Variants in RALYL observed in about 807,000 individuals in gnomAD.
RALYL encodes RALY RNA binding protein like.
A neutral mutation model predicts 35.1 loss-of-function variants in RALYL; 29 were observed. That is an observed-to-expected ratio of 0.83 (90% confidence interval 0.61 to 1.13). The LOEUF is 1.13. Among genes scored for constraint, RALYL ranks in the 50% most tolerant of loss-of-function variants. RALYL has a pLI of 0.00. For synonymous variants in RALYL, 120 were observed against 127.6 expected, an observed-to-expected ratio of 0.94 and a Z score of 0.40; for missense variants, 359 against 360.4, an observed-to-expected ratio of 1.00 and a Z score of 0.03.
Position 84,366,763 on chromosome 8 carries a change from CAAAAAAAA to C in RALYL, c.-23-162515_-23-162508del, listed in dbSNP as rs1166208925. Among the ~76,000 whole-genome samples the C allele has an allele frequency of 1.1e-4, 6 of 56,658 alleles. No individual in the cohort carries two copies. In the East Asian group the frequency reaches 4.5e-3, roughly 42 times the overall value. The allele number at this position is 56,658 out of a possible 152,430, so 37.2% of individuals were successfully genotyped here. ...TGGAGGCAGAGTGAGATTTTTGTCTCAAAAAAAAAAAAAAAAAAAAAAAAAAAAGGGTA... is the reference window on the plus strand; with the variant it reads ...TGGAGGCAGAGTGAGATTTTTGTCTCAAAAAAAAAAAAAAAAAAAAGGGTA... On this transcript the variant is annotated intron_variant, in intron 1 of 8. Transcript: ENST00000521268.
chr8:84,263,055 T>G (rs963893152), intron 1 of RALYL, among the ~76,000 whole-genome samples: 2 of 152,176 alleles, frequency 1.3e-5, no homozygotes, highest in African/African-American at 2.4e-5. Flanking sequence ...TATACTATCC[T>G]GACTTCTCCA....
At chr8:84,704,446 GAC>G (rs3068023) in intron 2 of RALYL, among the ~76,000 whole-genome samples, 3,637 of 103,654 alleles carry the variant, frequency 0.035, 40 homozygotes, top group Middle Eastern at 0.07. Flanking sequence ...AATACACACA[GAC>G]ACACACACAC....
chr8:84,779,205 C>A (rs1292644066), intron 3 of RALYL, among the ~76,000 whole-genome samples: 1 of 152,158 alleles, frequency 6.6e-6, no homozygotes, highest in African/African-American at 2.4e-5. Flanking sequence ...AATAATAATT[C>A]TCCCCCAGGA....
chr8:84,777,877 G>A (rs187416579), intron 3 of RALYL, among the ~76,000 whole-genome samples: 154 of 152,228 alleles, frequency 1.0e-3, no homozygotes, highest in African/African-American at 3.5e-3. Flanking sequence ...TCCTGACCTC[G>A]TGATCCGCCC....
At chr8:84,266,142 C>T (rs1833248921) in intron 1 of RALYL, among the ~76,000 whole-genome samples, 2 of 152,258 alleles carry the variant, frequency 1.3e-5, no homozygotes, top group Non-Finnish European at 1.5e-5. Context: ...TATATTTCTA[C>T]AGAAATCATC....
chr8:84,391,796 G>A (rs1860757584), intron 1 of RALYL, among the ~76,000 whole-genome samples: 5 of 151,986 alleles, frequency 3.3e-5, no homozygotes, highest in Admixed American at 3.3e-4. Context: ...AGTAAATATT[G>A]GTTAAATGAG....
intron 1 of RALYL, among the ~76,000 whole-genome samples, chr8:84,492,211 T>C (rs1488849772): frequency 1.3e-5 from 2 of 152,052 alleles, no homozygotes; most frequent in Non-Finnish European, 2.9e-5. Flanking sequence ...AAACCTGTCA[T>C]GGTTAATTTT....
chr8:84,461,726 G>C (rs951863744), intron 1 of RALYL, among the ~76,000 whole-genome samples: 4 of 151,728 alleles, frequency 2.6e-5, no homozygotes, highest in African/African-American at 9.7e-5. Context: ...TGTATTTACT[G>C]TAATTGGGAT....
intron 2 of RALYL, among the ~76,000 whole-genome samples, chr8:84,596,427 A>G (rs1174584083): frequency 6.6e-6 from 1 of 152,174 alleles, no homozygotes. Context: ...CTCAGGAAAT[A>G]CTGGACAGGA....
Position 84,495,992 on chromosome 8 carries a change from A to G in RALYL, c.-23-33307A>G, listed in dbSNP as rs141658332. Among the ~76,000 whole-genome samples, 8 of 152,188 alleles carry G rather than the reference A, an allele frequency of 5.3e-5. No individual in the cohort carries two copies. The East Asian group carries it at 1.5e-3, about 29-fold the overall frequency. On this transcript the variant is annotated intron_variant, in intron 1 of 8. Coordinates refer to ENST00000521268, the MANE Select transcript of RALYL (RefSeq NM_173848.7). ...TCTCTGAATTTTGTCTTTTATTTGT[A>G]AAATATTTTATGTCATTTTGTGATA...
chr8:84,849,832 T>G, intron 4 of RALYL, 148 bp from the exon 5 acceptor site: 1 of 492,882 alleles, frequency 2.0e-6, no homozygotes, highest in Non-Finnish European at 3.6e-6. Context: ...AAATTGGACA[T>G]TATCTTGGAA....
chr8:84,819,459 T>C (rs1828030702), intron 4 of RALYL, among the ~76,000 whole-genome samples: 1 of 152,220 alleles, frequency 6.6e-6, no homozygotes. Context: ...ATATACAATA[T>C]CACCAGTAAA....
chr8:84,190,597 A>G (rs956479387), intron 1 of RALYL, among the ~76,000 whole-genome samples: 2 of 152,232 alleles, frequency 1.3e-5, no homozygotes, highest in Admixed American at 1.3e-4. Context: ...GAATCTGGAT[A>G]TCTTGAAAAC....
intron 4 of RALYL, among the ~76,000 whole-genome samples, chr8:84,834,597 G>A (rs892651885): frequency 2.6e-5 from 4 of 152,148 alleles, no homozygotes; most frequent in Non-Finnish European, 4.4e-5. Context: ...ACCCTGTACT[G>A]CCAAACTTTA....
chr8:84,611,234 G>C (rs2130881303), intron 2 of RALYL, among the ~76,000 whole-genome samples: 1 of 152,182 alleles, frequency 6.6e-6, no homozygotes, highest in Non-Finnish European at 1.5e-5. Context: ...TTTGTGATTT[G>C]ATTGATGAAA....
At chr8:84,377,679 C>A (rs914066134) in intron 1 of RALYL, among the ~76,000 whole-genome samples, 1 of 151,502 alleles carries the variant, frequency 6.6e-6, no homozygotes, top group Non-Finnish European at 1.5e-5. Context: ...ATTTTATCCA[C>A]CCACTCTGCT....
intron 1 of RALYL, among the ~76,000 whole-genome samples, chr8:84,486,666 T>A (rs1377091034): frequency 6.6e-6 from 1 of 152,008 alleles, no homozygotes; most frequent in Non-Finnish European, 1.5e-5. Flanking sequence ...AAGAGATGTA[T>A]AAAAATCCCA....
At chr8:84,586,458 G>A (rs1030472086) in intron 2 of RALYL, among the ~76,000 whole-genome samples, 6 of 152,164 alleles carry the variant, frequency 3.9e-5, no homozygotes, top group African/African-American at 1.2e-4. Context: ...GTTTACTAAT[G>A]ACTCTCTATT....
chr8:84,473,360 A>T (rs2053024953), intron 1 of RALYL, among the ~76,000 whole-genome samples: 1 of 151,080 alleles, frequency 6.6e-6, no homozygotes, highest in Admixed American at 6.6e-5. Flanking sequence ...TTAATATTTA[A>T]TTTAATATTA....
Sources: allele counts gnomAD v4.1 joint callset (sites outside exome capture counted in the v4.1 genomes callset), GRCh38; gene constraint gnomAD v4.1.1; transcripts MANE v1.5; gene names NCBI Gene and HGNC (gene_info 2026-07-23, HGNC 2026-07-21).